The following ADGRL2 variants were observed in gnomAD, a reference collection of about 807,000 sequenced individuals.
The protein encoded by ADGRL2 is calcium-independent alpha-latrotoxin receptor 2.
A neutral mutation model predicts 157.4 loss-of-function variants in ADGRL2; 44 were observed. That is an observed-to-expected ratio of 0.28 (90% CI 0.22 to 0.36). ADGRL2 has a LOEUF of 0.36. ADGRL2 is among the 10% of genes least tolerant of loss of function. ADGRL2 has a pLI of 1.00. For synonymous variants in ADGRL2, 585 were observed against 624.7 expected (o/e 0.94, Z 0.95); for missense variants, 1,510 against 1,768.9 (o/e 0.85, Z 2.63).
intron 2 of ADGRL2, among the ~76,000 whole-genome samples, chr1:81,767,945 C>T (rs1003845498): frequency 1.3e-5 from 2 of 150,914 alleles, no homozygotes; most frequent in South Asian, 2.1e-4. Context: ...AACTATTGTA[C>T]ACAGTAACAA....
chr1:81,897,309 C>T (rs1455866617), intron 2 of ADGRL2, among the ~76,000 whole-genome samples: 1 of 151,414 alleles, frequency 6.6e-6, no homozygotes, highest in Non-Finnish European at 1.5e-5. Flanking sequence ...TTAAGTAAAT[C>T]GGAATTAAAG....
At chr1:81,449,907 G>A (rs2077674315) in intron 2 of ADGRL2, among the ~76,000 whole-genome samples, 1 of 152,102 alleles carries the variant, frequency 6.6e-6, no homozygotes, top group African/African-American at 2.4e-5. Flanking sequence ...TGGCTTTTAA[G>A]ACCCAAATGT....
chr1:81,749,113 A>T (rs760109005), intron 1 of ADGRL2, among the ~76,000 whole-genome samples: 1 of 152,110 alleles, frequency 6.6e-6, no homozygotes, highest in Non-Finnish European at 1.5e-5. Context: ...AATATAAAAC[A>T]TTTTCTTTTT....
At chr1:81,373,493 G>A (rs1032392913) in intron 1 of ADGRL2, among the ~76,000 whole-genome samples, 1 of 152,196 alleles carries the variant, frequency 6.6e-6, no homozygotes, top group African/African-American at 2.4e-5. Context: ...ACTCCTGTGA[G>A]TTTATCAAGA....
intron 2 of ADGRL2, among the ~76,000 whole-genome samples, chr1:81,878,307 T>C (rs2093894408): frequency 6.6e-6 from 1 of 151,868 alleles, no homozygotes; most frequent in Non-Finnish European, 1.5e-5. Flanking sequence ...AGAAATTATA[T>C]GAGAAGAATT....
intron 3 of ADGRL2, among the ~76,000 whole-genome samples, chr1:81,625,406 G>A (rs892598993): frequency 6.6e-5 from 10 of 152,094 alleles, no homozygotes; most frequent in African/African-American, 2.2e-4. Context: ...GGTATGTTGG[G>A]TGACCAGGAA....
intron 2 of ADGRL2, among the ~76,000 whole-genome samples, chr1:81,897,316 A>G (rs1389623011): frequency 1.3e-5 from 2 of 152,148 alleles, no homozygotes; most frequent in East Asian, 3.8e-4. Context: ...AATCGGAATT[A>G]AAGTATTCTG....
In ADGRL2 at chr1:81,809,873, T is replaced by C. The variant is rs2089643555; in HGVS notation, c.-101+8805T>C. On this transcript the variant is annotated intron_variant, in intron 1 of 23. Transcript: ENST00000686636. ...GGTATGACATAAATATCTGTTTTGC[T>C]GTCAAATATATCTATATCTCCTGCC... 2.0e-5 allele frequency among the ~76,000 whole-genome samples: 3 copies of C among 152,110 alleles called. No individual in the cohort carries two copies. In the South Asian group the frequency reaches 6.2e-4, roughly 32 times the overall value.
chr1:81,723,367 T>C (rs2084401412), intron 1 of ADGRL2, among the ~76,000 whole-genome samples: 1 of 152,242 alleles, frequency 6.6e-6, no homozygotes, highest in African/African-American at 2.4e-5. Context: ...GTTCAGATAA[T>C]GTTTTCCTAC....
intron 11 of ADGRL2, among the ~76,000 whole-genome samples, chr1:81,963,962 T>C (rs1295302573): frequency 6.6e-6 from 1 of 151,374 alleles, no homozygotes; most frequent in East Asian, 1.9e-4. Flanking sequence ...TTTTAGTCAG[T>C]TTTATTTTTC....
chr1:81,978,267 A>G (rs1021424542), intron 17 of ADGRL2, among the ~76,000 whole-genome samples: 8 of 151,710 alleles, frequency 5.3e-5, no homozygotes, highest in Admixed American at 1.3e-4. Context: ...AAGGTCAATA[A>G]ATATTTGTTG....
chr1:81,599,986 G>A (rs191600855), intron 3 of ADGRL2, among the ~76,000 whole-genome samples: 1 of 149,930 alleles, frequency 6.7e-6, no homozygotes, highest in East Asian at 1.9e-4. Context: ...TCGTTCCTAA[G>A]AAGTATGTGT....
At chr1:81,853,454 C>G (rs1310486862) in intron 2 of ADGRL2, among the ~76,000 whole-genome samples, 1 of 152,116 alleles carries the variant, frequency 6.6e-6, no homozygotes, top group Non-Finnish European at 1.5e-5. Context: ...GTTTTACCCC[C>G]TAATGTCCTG....
chr1:81,627,514 G>C (rs2081934096), intron 3 of ADGRL2, among the ~76,000 whole-genome samples: 1 of 152,114 alleles, frequency 6.6e-6, no homozygotes, highest in Admixed American at 6.6e-5. Flanking sequence ...ACTCCATTAA[G>C]CCCTTTATTT....
chr1:81,730,393 G>T (rs1238995132), intron 1 of ADGRL2, among the ~76,000 whole-genome samples: 3 of 152,052 alleles, frequency 2.0e-5, no homozygotes, highest in Non-Finnish European at 4.4e-5. Flanking sequence ...TTTATTCAAA[G>T]AAATAAGTGT....
chr1:81,339,818 T>A (rs1661938050), intron 1 of ADGRL2, among the ~76,000 whole-genome samples: 2 of 152,214 alleles, frequency 1.3e-5, no homozygotes, highest in African/African-American at 2.4e-5. Flanking sequence ...CTTTCTTTCC[T>A]TTCTCTGACC....
intron 3 of ADGRL2, among the ~76,000 whole-genome samples, chr1:81,637,395 G>T (rs769796239): frequency 3.9e-5 from 6 of 152,168 alleles, no homozygotes; most frequent in Non-Finnish European, 8.8e-5. Context: ...CTAGTAGGTA[G>T]TAGAAAGAGG....
intron 2 of ADGRL2, among the ~76,000 whole-genome samples, chr1:81,859,272 A>T (rs1250260310): frequency 6.6e-6 from 1 of 152,100 alleles, no homozygotes; most frequent in African/African-American, 2.4e-5. Context: ...TGTTGTTTAA[A>T]TCGTGTCAAT....
At chr1:81,965,021 T>C (rs1215166813) in intron 11 of ADGRL2, among the ~76,000 whole-genome samples, 1 of 152,160 alleles carries the variant, frequency 6.6e-6, no homozygotes, top group Non-Finnish European at 1.5e-5. Context: ...ACAGTAAACA[T>C]TTATATTGTT....
Sources: gnomAD v4.1 joint callset for allele counts (sites outside exome capture counted in the v4.1 genomes callset) on GRCh38, gnomAD v4.1.1 for gene constraint, MANE v1.5 for transcripts, NCBI Gene and HGNC (gene_info 2026-07-23, HGNC 2026-07-21) for gene names.